The following EVI5 variants were observed in gnomAD, a reference collection of about 807,000 sequenced individuals.
EVI5 encodes ecotropic viral integration site 5, also known as ecotropic viral integration site 5 protein homolog.
In EVI5, 73 loss-of-function variants were observed where a neutral mutation model predicts 112.0. The observed-to-expected ratio is 0.65, with a 90% CI of 0.54 to 0.79. The LOEUF (loss-of-function observed/expected upper bound fraction) is 0.79. Ranked by LOEUF, EVI5 falls within the 30% of genes least tolerant of loss-of-function variation. EVI5 has a pLI of 0.00. For missense variants in EVI5, 900 were observed against 968.8 expected (o/e 0.93, Z 0.94); for synonymous variants, 305 against 319.9 (o/e 0.95, Z 0.50).
rs1659278575 is a variant in EVI5, at chr1:92,512,942, T to C, written c.*714A>G. On this transcript the variant is annotated 3_prime_UTR_variant, in exon 20 of 20. Coordinates refer to ENST00000684568, the MANE Select transcript of EVI5 (RefSeq NM_001350197.2). ...CGGGTGGATCACTTGAGGTTAGGAG[T>C]TCGAGACCAGCCCAGCCAACATGGT... The C allele has an allele frequency of 6.7e-6, 1 of 150,268 alleles. No homozygotes were observed. Among genetic ancestry groups the C allele is most frequent in the South Asian group, 2.1e-4 (1 of 4,770 alleles). 9.3% of individuals were successfully genotyped at this position (150,268 alleles called of 1,614,324 possible).
upstream of EVI5, among the ~76,000 whole-genome samples, chr1:92,789,413 C>T (rs1387819863): frequency 6.6e-6 from 1 of 152,052 alleles, no homozygotes; most frequent in Non-Finnish European, 1.5e-5. Context: ...CGCCATTCTC[C>T]TGCCTCAGCC....
Position 92,668,060 on chromosome 1 carries a change from T to C in EVI5, c.1159-2068A>G, listed in dbSNP as rs200687161. Among the ~76,000 whole-genome samples the C allele has an allele frequency of 7.2e-5, 11 of 152,308 alleles. No homozygotes were observed. The East Asian group carries it at 2.1e-3, about 29-fold the overall frequency. ...TCAATTCAACCTATTATTTTGCCAG[T>C]AAAGACTTAAATATGGCTTTATATA... On this transcript the variant is annotated intron_variant, in intron 10 of 19. Coordinates refer to ENST00000684568, the MANE Select transcript of EVI5 (RefSeq NM_001350197.2).
chr1:92,785,292 G>A (rs906221886), upstream of EVI5, among the ~76,000 whole-genome samples: 9 of 152,344 alleles, frequency 5.9e-5, 1 homozygote, highest in Admixed American at 3.9e-4. Flanking sequence ...CCAGCCTTCA[G>A]TCCTGCAAGT....
intron 2 of EVI5, 134 bp downstream of exon 2, chr1:92,736,264 A>G (rs1256882655): frequency 3.2e-6 from 2 of 620,628 alleles, no homozygotes; most frequent in Non-Finnish European, 5.7e-6. Flanking sequence ...CTCCCCCCAA[A>G]AAAGATGAAC....
intron 15 of EVI5, 175 bp downstream of exon 15, chr1:92,625,619 G>A: frequency 1.9e-6 from 1 of 516,468 alleles, no homozygotes. Context: ...ATTAAAGAGG[G>A]AGAAACAGCT....
intron 19 of EVI5, among the ~76,000 whole-genome samples, chr1:92,531,347 A>T (rs976159956): frequency 6.6e-6 from 1 of 152,188 alleles, no homozygotes; most frequent in Non-Finnish European, 1.5e-5. Flanking sequence ...GAATGGAACC[A>T]AGCTGGAAAA....
intron 19 of EVI5, among the ~76,000 whole-genome samples, chr1:92,551,035 TCTTTC>T (rs1666830939): frequency 1.4e-5 from 1 of 73,246 alleles, no homozygotes; most frequent in Non-Finnish European, 2.2e-5. Context: ...TTTCTTTCTT[TCTTTC>T]TTTTTTTTTT....
At chr1:92,614,228 G>A (rs954295387) in intron 16 of EVI5, among the ~76,000 whole-genome samples, 1 of 152,020 alleles carries the variant, frequency 6.6e-6, no homozygotes, top group Non-Finnish European at 1.5e-5. Flanking sequence ...CCCATTTCCA[G>A]GCAGAAAAAC....
intron 1 of EVI5, among the ~76,000 whole-genome samples, chr1:92,774,281 T>C (rs1683829814): frequency 6.6e-6 from 1 of 152,218 alleles, no homozygotes; most frequent in African/African-American, 2.4e-5. Context: ...ATATTACATT[T>C]TTCTTCTACC....
In EVI5 at chr1:92,705,926, T is replaced by G. The variant is rs564168522; in HGVS notation, c.150-1182A>C. Among the ~76,000 whole-genome samples, 20 of 152,348 alleles carry G rather than the reference T, an allele frequency of 1.3e-4. 1 individual carries two copies. Among genetic ancestry groups the G allele is most frequent in the African/African-American group, 4.8e-4 (20 of 41,598 alleles). ...GCCAGATTTATATGCTACTCATCTT[T>G]ATATCCCTTAGAACATTTAGCTCAA... On this transcript the variant is annotated intron_variant, in intron 2 of 19. Transcript: ENST00000684568.
At chr1:92,738,131 A>G (rs182673869) in intron 1 of EVI5, among the ~76,000 whole-genome samples, 1 of 152,234 alleles carries the variant, frequency 6.6e-6, no homozygotes, top group Non-Finnish European at 1.5e-5. Context: ...ACAGCTCATC[A>G]GGGCAAAAGG....
chr1:92,703,932 CAAAA>C (rs57830016), intron 3 of EVI5: 2 of 82,016 alleles, frequency 2.4e-5, no homozygotes, highest in Non-Finnish European at 4.2e-5. Flanking sequence ...CTGTTGAAGG[CAAAA>C]AAAAAAAAAA....
intron 2 of EVI5, among the ~76,000 whole-genome samples, chr1:92,717,510 C>T (rs1673938092): frequency 6.6e-6 from 1 of 152,122 alleles, no homozygotes; most frequent in Non-Finnish European, 1.5e-5. Context: ...ATTTTGTCAC[C>T]ACCAGGCCTG....
At chr1:92,743,792 T>C (rs1241214186) in intron 1 of EVI5, among the ~76,000 whole-genome samples, 1 of 143,496 alleles carries the variant, frequency 7.0e-6, no homozygotes, top group East Asian at 1.9e-4. Flanking sequence ...TTCAATGCCT[T>C]TTAAAAGAAA....
At chr1:92,660,256 G>A (rs1400527393) in intron 13 of EVI5, among the ~76,000 whole-genome samples, 1 of 152,032 alleles carries the variant, frequency 6.6e-6, no homozygotes, top group Non-Finnish European at 1.5e-5. Flanking sequence ...TTTAAAAAAT[G>A]AAATTGTCAT....
chr1:92,712,717 T>C (rs918247467), intron 2 of EVI5, among the ~76,000 whole-genome samples: 2 of 152,014 alleles, frequency 1.3e-5, no homozygotes, highest in African/African-American at 2.4e-5. Context: ...CTTGAAAATA[T>C]CTATTTTGCT....
chr1:92,766,985 G>C (rs1350016026), intron 1 of EVI5, among the ~76,000 whole-genome samples: 1 of 151,204 alleles, frequency 6.6e-6, no homozygotes, highest in Non-Finnish European at 1.5e-5. Context: ...GGGAGGCTGA[G>C]GCAGGACAAT....
At chr1:92,622,628 A>C (rs1654838875) in intron 16 of EVI5, among the ~76,000 whole-genome samples, 1 of 152,182 alleles carries the variant, frequency 6.6e-6, no homozygotes, top group Non-Finnish European at 1.5e-5. Context: ...ACTACACACC[A>C]CCACCATTAC....
chr1:92,677,047 T>C, intron 10 of EVI5, 111 bp downstream of exon 10: 1 of 705,792 alleles, frequency 1.4e-6, no homozygotes. Flanking sequence ...AACTATAATC[T>C]AGTAGGATGG....
Sources: allele counts gnomAD v4.1 joint callset (sites outside exome capture counted in the v4.1 genomes callset), GRCh38; gene constraint gnomAD v4.1.1; transcripts MANE v1.5; gene names NCBI Gene and HGNC (gene_info 2026-07-23, HGNC 2026-07-21).